Variants in ACBD6 observed in about 807,000 individuals in gnomAD.
ACBD6 encodes the protein acyl-CoA-binding domain-containing protein 6.
In ACBD6, 28 loss-of-function variants were observed where a neutral mutation model predicts 37.2. The ratio of observed to expected loss-of-function variants is 0.75; its 90% CI spans 0.56 to 1.03. The LOEUF (loss-of-function observed/expected upper bound fraction) is 1.03. Ranked by LOEUF, ACBD6 falls within the 50% of genes least tolerant of loss-of-function variation. The pLI, the probability that ACBD6 is intolerant of heterozygous loss-of-function variation, is 0.00. For missense variants in ACBD6, 340 were observed against 337.4 expected (o/e 1.01, Z -0.06); for synonymous variants, 113 against 126.8 (o/e 0.89, Z 0.73).
intron 6 of ACBD6, among the ~76,000 whole-genome samples, chr1:180,327,796 T>C (rs968486460): frequency 3.3e-5 from 5 of 152,224 alleles, no homozygotes; most frequent in Non-Finnish European, 2.9e-5. Context: ...TTATAGTTAC[T>C]AGCTGCAAAA....
intron 6 of ACBD6, among the ~76,000 whole-genome samples, chr1:180,371,471 A>G (rs775683521): frequency 2.0e-5 from 3 of 152,150 alleles, no homozygotes; most frequent in Non-Finnish European, 4.4e-5. Context: ...TGGATATTTT[A>G]TAATTTTGAA....
intron 3 of ACBD6, among the ~76,000 whole-genome samples, chr1:180,473,295 A>C (rs1421193507): frequency 2.0e-5 from 3 of 151,726 alleles, no homozygotes; most frequent in African/African-American, 7.3e-5. Flanking sequence ...AAAATACAAA[A>C]AATTAGCCGG....
intron 3 of ACBD6, chr1:180,434,665 TATG>T (rs1648949049): frequency 2.5e-6 from 1 of 395,664 alleles, no homozygotes; most frequent in East Asian, 5.7e-5. Context: ...TGAATCTACC[TATG>T]ATAAGTCACT....
At chr1:180,480,155 G>A (rs781535679) in intron 3 of ACBD6, among the ~76,000 whole-genome samples, 1 of 152,098 alleles carries the variant, frequency 6.6e-6, no homozygotes, top group Non-Finnish European at 1.5e-5. Context: ...TGAGTAAAGG[G>A]GAACCACTTT....
chr1:180,324,515 T>C (rs1069436), intron 6 of ACBD6, among the ~76,000 whole-genome samples: 145,465 of 152,124 alleles, frequency 0.96, 69,628 homozygotes, highest in East Asian at 0.99. Flanking sequence ...CACTTAATTC[T>C]CTGACTTTTT....
At chr1:180,440,259 C>T (rs563822539) in intron 3 of ACBD6, among the ~76,000 whole-genome samples, 4 of 152,222 alleles carry the variant, frequency 2.6e-5, no homozygotes, top group African/African-American at 9.6e-5. Flanking sequence ...CAGATGCCCA[C>T]CATGACACCC....
In ACBD6 at chr1:180,413,430, T is replaced by C. The variant is rs1197863932; in HGVS notation, c.509A>G (p.Asn170Ser). Reference protein sequence around the residue: ...KNIFDYCRENNIDHITKAIKS... With the variant: ...KNIFDYCRENSIDHITKAIKS... ...GATGGCTTTGGTTATATGGTCAATG[T>C]TGTTTTCCCTGCAGTAATCAAATAT... The change falls in exon 5 of 8, where the codon AAC (asparagine) becomes AGC (serine). Residue 170 changes from asparagine (N) to serine (S), a missense_variant. Coordinates refer to ENST00000367595, the MANE Select transcript of ACBD6 (RefSeq NM_032360.4). 1.2e-6 allele frequency: 2 copies of C among 1,613,420 alleles called. No individual in the cohort carries two copies. Among genetic ancestry groups the C allele is most frequent in the Admixed American group, 1.7e-5 (1 of 60,022 alleles).
In ACBD6 at chr1:180,462,976, C is replaced by A. The variant is rs1650210029; in HGVS notation, c.384+29293G>T. The stretch of plus-strand genomic sequence containing the variant: ...AATTAAATACCTTGCTCCTGAATAA[C>A]TTTTGGGTAAATAATGAAATTAAGG... On this transcript the variant is annotated intron_variant, in intron 3 of 7. Transcript: ENST00000367595. 2.6e-5 allele frequency among the ~76,000 whole-genome samples: 4 copies of A among 152,226 alleles called. No homozygotes were observed. The South Asian group carries it at 8.3e-4, about 32-fold the overall frequency.
At chr1:180,358,166 C>T (rs1402324595) in intron 6 of ACBD6, among the ~76,000 whole-genome samples, 3 of 152,182 alleles carry the variant, frequency 2.0e-5, no homozygotes, top group Non-Finnish European at 4.4e-5. Flanking sequence ...CGGTGGCTCA[C>T]GCCTGTAATC....
chr1:180,469,331 A>G (rs1251951463), intron 3 of ACBD6, among the ~76,000 whole-genome samples: 2 of 152,202 alleles, frequency 1.3e-5, no homozygotes, highest in African/African-American at 2.4e-5. Flanking sequence ...AAAGTTAGTA[A>G]TATTTTTGGT....
At chr1:180,304,467 AC>A (rs1281184107) in intron 7 of ACBD6, among the ~76,000 whole-genome samples, 1 of 150,790 alleles carries the variant, frequency 6.6e-6, no homozygotes, top group Non-Finnish European at 1.5e-5. Context: ...ACAATAACAG[AC>A]AGAGAGCCAA....
At chr1:180,391,406 C>T (rs1041481204) in intron 6 of ACBD6, among the ~76,000 whole-genome samples, 1 of 152,096 alleles carries the variant, frequency 6.6e-6, no homozygotes, top group Non-Finnish European at 1.5e-5. Context: ...AATCACACAT[C>T]TGAAACGAGA....
intron 10 of ACBD6, chr1:180,274,577 TA>T (rs1648913018): frequency 2.6e-6 from 4 of 1,567,884 alleles, no homozygotes; most frequent in South Asian, 2.3e-5. Context: ...TCCTCCTTTT[TA>T]AACTTCTCTC....
chr1:180,320,781 CAGA>C (rs1439895573), intron 6 of ACBD6, among the ~76,000 whole-genome samples: 1 of 152,074 alleles, frequency 6.6e-6, no homozygotes, highest in African/African-American at 2.4e-5. Flanking sequence ...CTTTGCTGTG[CAGA>C]AGCTTTTCAA....
chr1:180,474,710 T>C, intron 3 of ACBD6, among the ~76,000 whole-genome samples: 2 of 152,240 alleles, frequency 1.3e-5, no homozygotes, highest in East Asian at 3.8e-4. Context: ...TCGAATATAT[T>C]AGAATAGAAA....
intron 6 of ACBD6, among the ~76,000 whole-genome samples, chr1:180,376,494 C>T (rs1308580528): frequency 6.6e-6 from 1 of 152,092 alleles, no homozygotes; most frequent in African/African-American, 2.4e-5. Flanking sequence ...GAGTACTATG[C>T]AGCTGTAAAT....
At chr1:180,472,450 G>T (rs937536630) in intron 3 of ACBD6, among the ~76,000 whole-genome samples, 9 of 152,158 alleles carry the variant, frequency 5.9e-5, no homozygotes, top group Non-Finnish European at 1.2e-4. Context: ...GTAGTTGTTG[G>T]TCTAGAGAGA....
intron 5 of ACBD6, among the ~76,000 whole-genome samples, chr1:180,405,123 T>G (rs768090119): frequency 3.9e-5 from 6 of 152,216 alleles, no homozygotes; most frequent in Non-Finnish European, 7.3e-5. Context: ...GATGCATTTT[T>G]TCTTCCTTCC....
intron 7 of ACBD6, among the ~76,000 whole-genome samples, chr1:180,308,955 T>G (rs1650488145): frequency 6.6e-6 from 1 of 152,226 alleles, no homozygotes; most frequent in African/African-American, 2.4e-5. Context: ...ATATTCATAG[T>G]ACTAATAGAA....
Sources: allele counts gnomAD v4.1 joint callset (sites outside exome capture counted in the v4.1 genomes callset), GRCh38; gene constraint gnomAD v4.1.1; transcripts MANE v1.5; gene names NCBI Gene and HGNC (gene_info 2026-07-23, HGNC 2026-07-21).